Variants in SORCS1 observed in about 807,000 individuals in gnomAD.
SORCS1 encodes the protein VPS10 domain-containing receptor SorCS1.
In SORCS1, 60 loss-of-function variants were observed where a neutral mutation model predicts 146.1. The observed-to-expected ratio is 0.41, with a 90% CI of 0.33 to 0.51. The LOEUF (loss-of-function observed/expected upper bound fraction) is 0.51, where lower values mean the gene tolerates loss of function less well. Among genes scored for constraint, SORCS1 ranks in the 20% least tolerant of loss-of-function variants. SORCS1 has a pLI of 0.21. For synonymous variants in SORCS1, 637 were observed against 584.0 expected (o/e 1.09, Z -1.31); for missense variants, 1,352 against 1,487.6 (o/e 0.91, Z 1.50).
chr10:106,591,273 G>T (rs982913774), intron 24 of SORCS1, among the ~76,000 whole-genome samples: 1 of 152,102 alleles, frequency 6.6e-6, no homozygotes, highest in African/African-American at 2.4e-5. Context: ...CTCCAGGAAG[G>T]ATAGGCCCAG....
At chr10:106,865,892 G>T (rs1214267949) in intron 2 of SORCS1, among the ~76,000 whole-genome samples, 1 of 151,730 alleles carries the variant, frequency 6.6e-6, no homozygotes, top group African/African-American at 2.4e-5. Context: ...AATTGGCCAG[G>T]CGTGGTGGCA....
At chr10:107,046,389 G>A (rs73373820) in intron 1 of SORCS1, among the ~76,000 whole-genome samples, 9,326 of 152,016 alleles carry the variant, frequency 0.061, 903 homozygotes, top group African/African-American at 0.21. Context: ...TATGTTTATT[G>A]ATAAATATAT....
intron 6 of SORCS1, among the ~76,000 whole-genome samples, chr10:106,729,136 T>C (rs1460203077): frequency 1.3e-5 from 2 of 152,244 alleles, no homozygotes; most frequent in Non-Finnish European, 2.9e-5. Context: ...TGAAGTATTG[T>C]ATATGCATGG....
chr10:106,813,133 T>C (rs941390924), intron 3 of SORCS1, among the ~76,000 whole-genome samples: 12 of 140,820 alleles, frequency 8.5e-5, no homozygotes, highest in Non-Finnish European at 1.2e-4. Flanking sequence ...CTTTTCTTTT[T>C]TTTTTTTTTT....
At chr10:106,682,834 C>T (rs1163779406) in intron 10 of SORCS1, among the ~76,000 whole-genome samples, 1 of 152,226 alleles carries the variant, frequency 6.6e-6, no homozygotes, top group East Asian at 1.9e-4. Flanking sequence ...TTTTCCTGAC[C>T]TTTCCACATT....
intron 8 of SORCS1, among the ~76,000 whole-genome samples, chr10:106,699,868 A>G (rs1420614707): frequency 6.6e-6 from 1 of 152,328 alleles, no homozygotes; most frequent in Non-Finnish European, 1.5e-5. Context: ...TATTAAACAT[A>G]TAGAACCTTG....
At chr10:107,177,185 T>G in the SORCS1 span, among the ~76,000 whole-genome samples, 5 of 152,210 alleles carry the variant, frequency 3.3e-5, no homozygotes, top group Non-Finnish European at 7.4e-5. Flanking sequence ...TATTTTCCAT[T>G]TTTTGCCTTC....
intron 6 of SORCS1, among the ~76,000 whole-genome samples, chr10:106,722,670 G>A (rs1238748954): frequency 2.0e-5 from 3 of 152,120 alleles, no homozygotes; most frequent in African/African-American, 7.2e-5. Context: ...CCTGTCCCCT[G>A]TTCCTGCTGG....
intron 18 of SORCS1, among the ~76,000 whole-genome samples, chr10:106,645,798 T>A (rs1849384238): frequency 6.6e-6 from 1 of 152,116 alleles, no homozygotes; most frequent in Non-Finnish European, 1.5e-5. Context: ...ACCTTTTCAA[T>A]AAGGTATTAT....
Position 106,597,330 on chromosome 10 carries a change from C to A in SORCS1, c.3265+21G>T, listed in dbSNP as rs1388196062. The A allele has an allele frequency of 1.9e-6, 3 of 1,608,784 alleles. No homozygotes were observed. In the African/African-American group the frequency reaches 4.0e-5, roughly 22 times the overall value. On this transcript the variant is annotated intron_variant, in intron 24 of 25. Coordinates refer to ENST00000263054, the MANE Select transcript of SORCS1 (RefSeq NM_052918.5). ...CCTTTGCCAGAGCCACCAGCCAGAA[C>A]CCCGGGACATGGACACTGACCCGCT... is the stretch of plus-strand genomic sequence containing the variant.
intron 2 of SORCS1, among the ~76,000 whole-genome samples, chr10:106,870,489 C>T (rs1439765359): frequency 6.6e-6 from 1 of 152,030 alleles, no homozygotes; most frequent in Non-Finnish European, 1.5e-5. Context: ...CAAAAACAGG[C>T]ACATAGACCA....
chr10:106,828,079 T>A (rs547941760), intron 3 of SORCS1, among the ~76,000 whole-genome samples: 1 of 152,304 alleles, frequency 6.6e-6, no homozygotes, highest in East Asian at 1.9e-4. Flanking sequence ...CATATAATCC[T>A]TACAACTTCC....
intron 3 of SORCS1, among the ~76,000 whole-genome samples, chr10:106,819,448 C>T (rs1198004949): frequency 6.6e-6 from 1 of 152,146 alleles, no homozygotes; most frequent in East Asian, 1.9e-4. Flanking sequence ...CTTCAAATAA[C>T]AAAGTGTATC....
upstream of SORCS1, among the ~76,000 whole-genome samples, chr10:107,166,682 T>C (rs1159064552): frequency 1.3e-5 from 2 of 152,244 alleles, no homozygotes; most frequent in African/African-American, 2.4e-5. Flanking sequence ...TTTAGAGCTT[T>C]GCAGGATCAT....
chr10:106,645,615 T>C (rs1849368886), intron 18 of SORCS1, among the ~76,000 whole-genome samples: 1 of 152,216 alleles, frequency 6.6e-6, no homozygotes, highest in African/African-American at 2.4e-5. Flanking sequence ...ATTTGGTTAT[T>C]CTGAGTCATT....
intron 3 of SORCS1, among the ~76,000 whole-genome samples, chr10:106,783,854 T>C (rs144394258): frequency 9.1e-4 from 138 of 152,336 alleles, no homozygotes; most frequent in African/African-American, 3.1e-3. Flanking sequence ...AAATCTCTGA[T>C]GTAATGTTCT....
chr10:106,924,757 T>C (rs1197389144), intron 2 of SORCS1, among the ~76,000 whole-genome samples: 1 of 99,638 alleles, frequency 1.0e-5, no homozygotes, highest in East Asian at 3.0e-4. Context: ...TACATTTAAC[T>C]GCATGGATTT....
chr10:107,152,494 G>C (rs1968896496), intron 1 of SORCS1, among the ~76,000 whole-genome samples: 1 of 152,192 alleles, frequency 6.6e-6, no homozygotes, highest in South Asian at 2.1e-4. Flanking sequence ...AAGCAGCCTG[G>C]ATGGGGACCC....
rs760127303 is a variant in SORCS1, at chr10:106,577,451, C to CGCCAAA, written c.3475_3476insTTTGGC (p.Lys1158_Arg1159insLeuTrp). 6.3e-7 allele frequency: 1 copy of CGCCAAA among 1,596,058 alleles called. No homozygotes were observed. Among genetic ancestry groups the CGCCAAA allele is most frequent in the East Asian group, 2.3e-5 (1 of 43,674 alleles). On this transcript the variant is annotated inframe_insertion, in exon 26 of 26. Transcript: ENST00000263054. ...TGCATACTGTGCCCCAGCAGATCCCCGCTTTGGCGTTGAAGGCGGAGTGGC... is the reference window on the plus strand; with the variant it reads ...TGCATACTGTGCCCCAGCAGATCCCCGCCAAAGCTTTGGCGTTGAAGGCGGAGTGGC...
Sources: gnomAD v4.1 joint callset for allele counts (sites outside exome capture counted in the v4.1 genomes callset) on GRCh38, gnomAD v4.1.1 for gene constraint, MANE v1.5 for transcripts, NCBI Gene and HGNC (gene_info 2026-07-23, HGNC 2026-07-21) for gene names.